COL6A6: variants seen among roughly 807,000 people sequenced by gnomAD.
COL6A6 encodes collagen type VI alpha 6 chain, also known as collagen alpha-6(VI) chain.
A neutral mutation model predicts 208.6 loss-of-function variants in COL6A6; 183 were observed. The ratio of observed to expected loss-of-function variants is 0.88; its 90% CI spans 0.78 to 0.99. The LOEUF (loss-of-function observed/expected upper bound fraction) is 0.99, where lower values mean the gene tolerates loss of function less well. COL6A6 is among the 50% of genes least tolerant of loss of function. The probability of loss-of-function intolerance (pLI) is 0.00; values close to 1 mark genes in which losing one functional copy is unlikely to be tolerated. For synonymous variants in COL6A6, 973 were observed against 1,011.8 expected, an observed-to-expected ratio of 0.96 and a Z score of 0.73; for missense variants, 2,816 against 2,815.2, an observed-to-expected ratio of 1.00 and a Z score of -0.01.
At chr3:130,646,116 C>T (rs1397537155) in intron 32 of COL6A6, among the ~76,000 whole-genome samples, 1 of 151,982 alleles carries the variant, frequency 6.6e-6, no homozygotes, top group African/African-American at 2.4e-5. Flanking sequence ...GCACATTGTG[C>T]ACATGTGCCC....
In COL6A6 at chr3:130,594,471, T is replaced by A. The variant is rs1030727156; in HGVS notation, c.4533+128T>A. On this transcript the variant is annotated intron_variant, in intron 18 of 36. Coordinates refer to ENST00000358511, the MANE Select transcript of COL6A6 (RefSeq NM_001102608.3). ...AAACACCACAGGCATGATTGTAACA[T>A]TTTAAATTCAGGTACCTGTGCTAGA... 1.3e-5 allele frequency: 9 copies of A among 699,090 alleles called. No homozygotes were observed. In the African/African-American group the frequency reaches 1.6e-4, roughly 12 times the overall value. The allele number at this position is 699,090 out of a possible 1,614,324, so 43.3% of individuals were successfully genotyped here.
chr3:130,608,774 T>TC, intron 21 of COL6A6, 128 bp from the exon 22 acceptor site: 1 of 286,402 alleles, frequency 3.5e-6, no homozygotes, highest in African/African-American at 2.4e-5. Flanking sequence ...TTTTTTTTTT[T>TC]TTTTTTTTTT....
intron 25 of COL6A6, among the ~76,000 whole-genome samples, chr3:130,626,839 T>A (rs1302153388): frequency 6.6e-6 from 1 of 152,132 alleles, no homozygotes; most frequent in Non-Finnish European, 1.5e-5. Context: ...TTTCCTTTTA[T>A]CAGAGCCTCT....
At chr3:130,565,724 G>A (rs2063003655) in intron 4 of COL6A6, 110 bp downstream of exon 4, 4 of 1,275,852 alleles carry the variant, frequency 3.1e-6, no homozygotes, top group Non-Finnish European at 3.2e-6. Flanking sequence ...GGAAGGATAA[G>A]TTCCTAATTC....
chr3:130,647,404 A>AC (rs1462041769), intron 32 of COL6A6, among the ~76,000 whole-genome samples: 2 of 151,800 alleles, frequency 1.3e-5, no homozygotes, highest in Non-Finnish European at 2.9e-5. Flanking sequence ...GCAAATAACC[A>AC]CCCCCCAAAA....
intron 4 of COL6A6, 130 bp downstream of exon 4, chr3:130,565,744 A>C (rs2107890185): frequency 1.7e-6 from 2 of 1,151,502 alleles, no homozygotes; most frequent in East Asian, 5.2e-5. Context: ...CTTTTACTTG[A>C]GCTTGAAAAT....
chr3:130,605,633 A>G (rs1276160683), intron 20 of COL6A6, among the ~76,000 whole-genome samples: 5 of 152,214 alleles, frequency 3.3e-5, no homozygotes, highest in Non-Finnish European at 5.9e-5. Flanking sequence ...TTTTGTAAAA[A>G]TAAAATAAAG....
chr3:130,539,752 T>C (rs1473670469), intron 1 of COL6A6, among the ~76,000 whole-genome samples: 1 of 152,244 alleles, frequency 6.6e-6, no homozygotes, highest in Non-Finnish European at 1.5e-5. Context: ...CTTCCTTGTT[T>C]CCTGCCACAC....
chr3:130,527,422 T>C (rs1461880806), intron 1 of COL6A6, among the ~76,000 whole-genome samples: 1 of 152,176 alleles, frequency 6.6e-6, no homozygotes. Context: ...GTGCTTAATC[T>C]TTATATAAGA....
chr3:130,571,459 C>A, intron 7 of COL6A6, 66 bp downstream of exon 7: 1 of 1,193,130 alleles, frequency 8.4e-7, no homozygotes. Flanking sequence ...GAAAGCAAAG[C>A]AATGGCTCTC....
At chr3:130,536,324 C>CCATTCATTTACTTGTT (rs1447511228) in intron 1 of COL6A6, among the ~76,000 whole-genome samples, 7 of 152,216 alleles carry the variant, frequency 4.6e-5, no homozygotes, top group Non-Finnish European at 8.8e-5. Context: ...CCCTATACAT[C>CCATTCATTTACTTGTT]CATTCATTTA....
intron 34 of COL6A6, among the ~76,000 whole-genome samples, chr3:130,658,981 A>G (rs901325168): frequency 1.3e-5 from 2 of 152,198 alleles, no homozygotes; most frequent in African/African-American, 4.8e-5. Context: ...TATCCCAGCA[A>G]AAGAGTTGCA....
At chr3:130,636,802 C>T (rs1358533381) in intron 28 of COL6A6, among the ~76,000 whole-genome samples, 1 of 20,502 alleles carries the variant, frequency 4.9e-5, no homozygotes, top group Non-Finnish European at 8.4e-5. Flanking sequence ...TCCCCTCCCC[C>T]TCCCCTCCCC....
At chr3:130,673,230 C>CAAAAAAAAAAA (rs2066275004) in intron 36 of COL6A6, among the ~76,000 whole-genome samples, 1 of 105,452 alleles carries the variant, frequency 9.5e-6, no homozygotes, top group African/African-American at 4.6e-5. Flanking sequence ...AAAAAAAAAA[C>CAAAAAAAAAAA]AAAACCCAAG....
chr3:130,673,228 A>C (rs1343622484), intron 36 of COL6A6, among the ~76,000 whole-genome samples: 1 of 147,680 alleles, frequency 6.8e-6, no homozygotes, highest in Non-Finnish European at 1.5e-5. Flanking sequence ...AAAAAAAAAA[A>C]ACAAAACCCA....
intron 4 of COL6A6, 120 bp downstream of exon 4, chr3:130,565,734 C>A (rs2063004211): frequency 8.3e-7 from 1 of 1,205,898 alleles, no homozygotes; most frequent in Admixed American, 3.0e-5. Context: ...GTTCCTAATT[C>A]TTTTACTTGA....
In COL6A6 at chr3:130,568,326, T is replaced by C; in HGVS notation, c.2123T>C (p.Val708Ala). The change falls in exon 6 of 37, where the codon GTG becomes GCG. Residue 708 changes from valine (V) to alanine (A), a missense_variant. Physicochemically the swap from Val to Ala is moderately conservative, Grantham distance 64 (BLOSUM62 0). Transcript: ENST00000358511. Reference protein sequence around the residue: ...TTLTGSALSFVSQYFSPTKGA... With the variant: ...TTLTGSALSFASQYFSPTKGA... The stretch of plus-strand genomic sequence containing the variant: ...CTGACTGGTAGTGCCCTGAGCTTTG[T>C]GTCTCAGTACTTCAGCCCCACCAAG... 1 of 1,614,028 alleles carries C rather than the reference T, an allele frequency of 6.2e-7. No homozygotes were observed. The highest frequency in any genetic ancestry group is 8.5e-7 in the Non-Finnish European group (1 of 1,179,902).
At chr3:130,648,162 C>T (rs1276102391) in intron 32 of COL6A6, among the ~76,000 whole-genome samples, 1 of 152,228 alleles carries the variant, frequency 6.6e-6, no homozygotes, top group East Asian at 1.9e-4. Flanking sequence ...ATGCAATTAA[C>T]ACTTACAGTA....
chr3:130,544,422 A>G (rs2062445130), intron 1 of COL6A6, among the ~76,000 whole-genome samples: 1 of 152,054 alleles, frequency 6.6e-6, no homozygotes, highest in African/African-American at 2.4e-5. Context: ...TTCTTTACCC[A>G]TTCATCCATG....
Sources: allele counts gnomAD v4.1 joint callset (sites outside exome capture counted in the v4.1 genomes callset), GRCh38; gene constraint gnomAD v4.1.1; transcripts MANE v1.5; gene names NCBI Gene and HGNC (gene_info 2026-07-23, HGNC 2026-07-21).